KIAA1328: variants seen among roughly 807,000 people sequenced by gnomAD.
The protein encoded by KIAA1328 is protein hinderin.
In KIAA1328, 52 loss-of-function variants were observed where a neutral mutation model predicts 68.1. That is an observed-to-expected ratio of 0.76 (90% CI 0.61 to 0.96). The LOEUF (loss-of-function observed/expected upper bound fraction) is 0.96, where lower values mean the gene tolerates loss of function less well. Among genes scored for constraint, KIAA1328 ranks in the 40% least tolerant of loss-of-function variants. The probability of loss-of-function intolerance (pLI) is 0.00; values close to 1 mark genes in which losing one functional copy is unlikely to be tolerated. For missense variants in KIAA1328, 641 were observed against 677.6 expected, an observed-to-expected ratio of 0.95 and a Z score of 0.60; for synonymous variants, 232 against 239.4, an observed-to-expected ratio of 0.97 and a Z score of 0.28.
rs551990763 is a variant in KIAA1328, at chr18:37,086,188, C to T, written c.1232+18643C>T. Among the ~76,000 whole-genome samples the T allele has an allele frequency of 5.9e-5, 9 of 152,264 alleles. No homozygotes were observed. The East Asian group carries it at 9.6e-4, about 16-fold the overall frequency. On this transcript the variant is annotated intron_variant, in intron 7 of 9. Transcript: ENST00000280020. ...AACATGGTAACTATGGCTATAATAACATGTCATATAGTTGAATATTACTAA... is the reference window on the plus strand; with the variant it reads ...AACATGGTAACTATGGCTATAATAATATGTCATATAGTTGAATATTACTAA...
intron 2 of KIAA1328, among the ~76,000 whole-genome samples, chr18:36,834,889 C>G (rs1240839641): frequency 6.6e-6 from 1 of 152,048 alleles, no homozygotes; most frequent in Non-Finnish European, 1.5e-5. Flanking sequence ...TTCAGTTAAG[C>G]TGGATGTGGT....
At chr18:37,158,059 G>C (rs1390307432) in intron 7 of KIAA1328, among the ~76,000 whole-genome samples, 1 of 149,868 alleles carries the variant, frequency 6.7e-6, no homozygotes, top group Non-Finnish European at 1.5e-5. Flanking sequence ...TTTGGAAACA[G>C]AGTCTCACTG....
At chr18:36,988,538 GT>G (rs2053039047) in intron 6 of KIAA1328, among the ~76,000 whole-genome samples, 1 of 152,164 alleles carries the variant, frequency 6.6e-6, no homozygotes, top group South Asian at 2.1e-4. Flanking sequence ...ATAAGTGACC[GT>G]TTGGCAAGCT....
chr18:37,031,058 A>T lies in KIAA1328; in HGVS notation c.577-35832A>T, dbSNP rs543090022. On this transcript the variant is annotated intron_variant, in intron 6 of 9. Coordinates refer to ENST00000280020, the MANE Select transcript of KIAA1328 (RefSeq NM_020776.3). ...TAGTATTCCATGGTGTATATGTGCC[A>T]CATTTTCTTAATCCAGTCTATCATT... Among the ~76,000 whole-genome samples, 5 of 152,278 alleles carry T rather than the reference A, an allele frequency of 3.3e-5. No homozygotes were observed. In the East Asian group the frequency reaches 9.6e-4, roughly 29 times the overall value.
At chr18:37,219,290 G>C (rs1482883432) in intron 9 of KIAA1328, among the ~76,000 whole-genome samples, 1 of 152,238 alleles carries the variant, frequency 6.6e-6, no homozygotes, top group Non-Finnish European at 1.5e-5. Context: ...ACAGGGGTCA[G>C]GGACCCACTT....
intron 6 of KIAA1328, among the ~76,000 whole-genome samples, chr18:37,041,557 A>T (rs573321893): frequency 6.6e-6 from 1 of 150,784 alleles, no homozygotes; most frequent in Admixed American, 6.6e-5. Context: ...GGTTGGATTT[A>T]TGTCCTCTAT....
chr18:37,017,599 T>G (rs2054195869), intron 6 of KIAA1328, among the ~76,000 whole-genome samples: 1 of 152,154 alleles, frequency 6.6e-6, no homozygotes, highest in Non-Finnish European at 1.5e-5. Context: ...ACTGTTTAAG[T>G]TTTTTCATAG....
intron 7 of KIAA1328, among the ~76,000 whole-genome samples, chr18:37,131,896 G>A (rs575170836): frequency 2.0e-5 from 3 of 152,240 alleles, no homozygotes; most frequent in East Asian, 3.9e-4. Context: ...ATGAATGCCA[G>A]GGCATACATA....
intron 6 of KIAA1328, among the ~76,000 whole-genome samples, chr18:37,033,557 C>A (rs1260473344): frequency 1.3e-5 from 2 of 152,216 alleles, no homozygotes; most frequent in Non-Finnish European, 2.9e-5. Flanking sequence ...AAAACTTGAA[C>A]ATCTCCTTGT....
In KIAA1328 at chr18:37,099,094, G is replaced by T. The variant is rs1002059858; in HGVS notation, c.1232+31549G>T. 5.3e-5 allele frequency among the ~76,000 whole-genome samples: 8 copies of T among 151,908 alleles called. No homozygotes were observed. In the South Asian group the frequency reaches 1.2e-3, roughly 24 times the overall value. ...ATTTCCTTCAATTCTGCTCTGATTA[G>T]GTTATTTCTTGCCTTCTGCTAGCTT... On this transcript the variant is annotated intron_variant, in intron 7 of 9. Transcript: ENST00000280020.
chr18:36,838,106 G>C (rs991433483), intron 3 of KIAA1328, among the ~76,000 whole-genome samples: 1 of 152,144 alleles, frequency 6.6e-6, no homozygotes, highest in Non-Finnish European at 1.5e-5. Flanking sequence ...GAATTTCACT[G>C]TTGGATTGTT....
At chr18:36,834,696 T>C (rs1339091178) in intron 2 of KIAA1328, among the ~76,000 whole-genome samples, 1 of 152,176 alleles carries the variant, frequency 6.6e-6, no homozygotes, top group Admixed American at 6.5e-5. Flanking sequence ...ACAGGGTATA[T>C]GTAAGAGGCA....
intron 6 of KIAA1328, among the ~76,000 whole-genome samples, chr18:36,965,559 C>T (rs868358229): frequency 4.2e-4 from 60 of 144,464 alleles, no homozygotes; most frequent in Middle Eastern, 3.4e-3. Flanking sequence ...TTAGTAGAGA[C>T]GGGGTTTCAC....
intron 7 of KIAA1328, among the ~76,000 whole-genome samples, chr18:37,116,376 C>T (rs1251663688): frequency 2.3e-4 from 35 of 152,026 alleles, no homozygotes; most frequent in Non-Finnish European, 2.9e-4. Context: ...AACCATCTGA[C>T]CTTTGACAAA....
At chr18:37,137,482 C>CTA (rs2058670656) in intron 7 of KIAA1328, among the ~76,000 whole-genome samples, 1 of 152,164 alleles carries the variant, frequency 6.6e-6, no homozygotes, top group Non-Finnish European at 1.5e-5. Context: ...TCCTGGTCTA[C>CTA]TATATCACTC....
intron 6 of KIAA1328, among the ~76,000 whole-genome samples, chr18:37,006,186 TA>T (rs1321918372): frequency 7.9e-5 from 12 of 152,120 alleles, no homozygotes; most frequent in African/African-American, 2.4e-4. Flanking sequence ...AGTAGTTATT[TA>T]AAAAAACCTG....
Position 37,017,977 on chromosome 18 carries a change from T to C in KIAA1328, c.577-48913T>C, listed in dbSNP as rs2054211470. On this transcript the variant is annotated intron_variant, in intron 6 of 9. Coordinates refer to ENST00000280020, the MANE Select transcript of KIAA1328 (RefSeq NM_020776.3). ...CATTTATATTCAAGGTTAATATTGA[T>C]ATATGAGGTTTTGATCCTATCTTGA... Among the ~76,000 whole-genome samples, 4 of 152,148 alleles carry C rather than the reference T, an allele frequency of 2.6e-5. 1 individual carries two copies. The highest frequency in any genetic ancestry group is 2.6e-4 in the Admixed American group (4 of 15,272).
At chr18:36,902,165 A>AAT (rs1334979820) in intron 5 of KIAA1328, 2 of 151,890 alleles carry the variant, frequency 1.3e-5, no homozygotes, top group East Asian at 3.9e-4. Flanking sequence ...AAAAAAAAAA[A>AAT]TTCTGAAAAT....
chr18:36,845,766 A>G (rs973224627), intron 4 of KIAA1328, among the ~76,000 whole-genome samples: 2 of 151,694 alleles, frequency 1.3e-5, no homozygotes, highest in Non-Finnish European at 3.0e-5. Flanking sequence ...GAGTCTAGAA[A>G]TAAACCATGC....
Sources: allele counts gnomAD v4.1 joint callset (sites outside exome capture counted in the v4.1 genomes callset), GRCh38; gene constraint gnomAD v4.1.1; transcripts MANE v1.5; gene names NCBI Gene and HGNC (gene_info 2026-07-23, HGNC 2026-07-21).